The following NRG3 variants were observed in gnomAD, a reference collection of about 807,000 sequenced individuals.
NRG3 encodes the protein neuregulin 3.
In NRG3, 31 loss-of-function variants were observed where a neutral mutation model predicts 66.9. That is an observed-to-expected ratio of 0.46 (90% CI 0.35 to 0.63). The LOEUF (loss-of-function observed/expected upper bound fraction) is 0.63. Among genes scored for constraint, NRG3 ranks in the 20% least tolerant of loss-of-function variants. NRG3 has a pLI of 0.00. For synonymous variants in NRG3, 393 were observed against 359.4 expected (o/e 1.09, Z -1.06); for missense variants, 910 against 878.9 (o/e 1.04, Z -0.45).
chr10:82,654,617 CTCA>C (rs1351105176), intron 2 of NRG3, among the ~76,000 whole-genome samples: 1 of 152,152 alleles, frequency 6.6e-6, no homozygotes, highest in Non-Finnish European at 1.5e-5. Flanking sequence ...GTTCGAAAGT[CTCA>C]TCATTAGTTA....
intron 7 of NRG3, among the ~76,000 whole-genome samples, chr10:82,976,340 G>A (rs207471209): frequency 6.6e-6 from 1 of 152,182 alleles, no homozygotes; most frequent in African/African-American, 2.4e-5. Flanking sequence ...ACAGGTGTGA[G>A]CCACTGTGCC....
intron 2 of NRG3, among the ~76,000 whole-genome samples, chr10:82,563,981 G>A (rs1359230478): frequency 8.5e-5 from 13 of 152,114 alleles, no homozygotes; most frequent in Admixed American, 7.2e-4. Context: ...TTTTACAAAT[G>A]TTCAATGATA....
At chr10:82,014,070 C>T (rs955735618) in intron 1 of NRG3, among the ~76,000 whole-genome samples, 8 of 152,138 alleles carry the variant, frequency 5.3e-5, no homozygotes, top group Non-Finnish European at 1.2e-4. Flanking sequence ...GCTGGAAGGG[C>T]ATACCTACCA....
intron 4 of NRG3, among the ~76,000 whole-genome samples, chr10:82,947,885 G>A (rs904521619): frequency 6.6e-6 from 1 of 151,920 alleles, no homozygotes; most frequent in Non-Finnish European, 1.5e-5. Context: ...TTTTCATAAT[G>A]GTGTCTTTGA....
intron 2 of NRG3, among the ~76,000 whole-genome samples, chr10:82,525,462 A>T (rs929215785): frequency 1.3e-5 from 2 of 151,924 alleles, no homozygotes; most frequent in Non-Finnish European, 2.9e-5. Flanking sequence ...TATTCATTTC[A>T]AACCCATATT....
rs1176028816 is a variant in NRG3 at position 82,655,816 on chromosome 10, A to T, written c.954-82761A>T. On this transcript the variant is annotated intron_variant, in intron 2 of 8. Coordinates refer to ENST00000372141, the MANE Select transcript of NRG3 (RefSeq NM_001010848.4). ...TAGCAAGCATAATATAAATCTATAT[A>T]TACTGCTTTGGAATTAATTATATCA... 3.3e-5 allele frequency among the ~76,000 whole-genome samples: 5 copies of T among 152,218 alleles called. No homozygotes were observed. In the East Asian group the frequency reaches 9.6e-4, roughly 29 times the overall value.
At chr10:81,933,744 G>A (rs909596379) in intron 1 of NRG3, among the ~76,000 whole-genome samples, 3 of 152,152 alleles carry the variant, frequency 2.0e-5, no homozygotes, top group African/African-American at 7.2e-5. Context: ...GTTATTAAAG[G>A]TAAGCTAACT....
intron 2 of NRG3, among the ~76,000 whole-genome samples, chr10:82,725,459 G>A (rs1054005174): frequency 7.9e-5 from 12 of 152,144 alleles, no homozygotes; most frequent in Non-Finnish European, 1.5e-4. Context: ...GTGTATAGAG[G>A]AAGTATAATT....
intron 2 of NRG3, among the ~76,000 whole-genome samples, chr10:82,507,117 A>G (rs1044672308): frequency 1.3e-5 from 2 of 152,256 alleles, no homozygotes; most frequent in African/African-American, 4.8e-5. Context: ...ATGTGCTGTC[A>G]TAAAACCTTG....
At chr10:82,694,885 T>C (rs913241008) in intron 2 of NRG3, among the ~76,000 whole-genome samples, 1 of 152,204 alleles carries the variant, frequency 6.6e-6, no homozygotes, top group Non-Finnish European at 1.5e-5. Flanking sequence ...TCATTGAACA[T>C]GATTGCTCCT....
At chr10:81,995,616 C>T (rs929241207) in intron 1 of NRG3, among the ~76,000 whole-genome samples, 2 of 152,210 alleles carry the variant, frequency 1.3e-5, no homozygotes, top group Non-Finnish European at 2.9e-5. Context: ...GTTGGCTGTT[C>T]CTGGTACTGG....
At chr10:82,638,610 C>T (rs948446708) in intron 2 of NRG3, among the ~76,000 whole-genome samples, 1 of 151,994 alleles carries the variant, frequency 6.6e-6, no homozygotes, top group Non-Finnish European at 1.5e-5. Context: ...GAGATCTAAG[C>T]ATCCAAAATC....
chr10:82,283,579 A>G (rs1488673336), intron 1 of NRG3, among the ~76,000 whole-genome samples: 3 of 152,184 alleles, frequency 2.0e-5, no homozygotes, highest in African/African-American at 7.2e-5. Flanking sequence ...ATTCTATAAG[A>G]AAACATGCAC....
chr10:82,501,385 C>A (rs1219864664), intron 2 of NRG3, among the ~76,000 whole-genome samples: 1 of 152,192 alleles, frequency 6.6e-6, no homozygotes, highest in Non-Finnish European at 1.5e-5. Context: ...TCACCTCACT[C>A]CCCTGTCTGA....
intron 1 of NRG3, among the ~76,000 whole-genome samples, chr10:82,035,530 G>T (rs1379138138): frequency 6.6e-6 from 1 of 152,012 alleles, no homozygotes; most frequent in Non-Finnish European, 1.5e-5. Context: ...ATCAATTGAG[G>T]ATTTGAATTA....
At chr10:82,758,888 A>AT (rs1800471389) in intron 3 of NRG3, among the ~76,000 whole-genome samples, 1 of 139,534 alleles carries the variant, frequency 7.2e-6, no homozygotes, top group Admixed American at 7.2e-5. Flanking sequence ...AGTGAATGTT[A>AT]AAAAAAAAAA....
rs142894500 is a variant in NRG3, at chr10:82,859,925, TA to T, written c.1028-5477del. On this transcript the variant is annotated intron_variant, in intron 3 of 8. Transcript: ENST00000372141. ...AGTGTTTTCCAGGAATTTTTGGTGT[TA>T]AAAAAAAACATTCATTTTGTCTTGC... Among the ~76,000 whole-genome samples, 1,096 of 151,288 alleles carry T rather than the reference TA, an allele frequency of 7.2e-3. 12 individuals are homozygous for T. Among genetic ancestry groups the T allele is most frequent in the African/African-American group, 0.025 (1,028 of 41,238 alleles).
chr10:82,981,680 T>A (rs1852918469), intron 8 of NRG3, among the ~76,000 whole-genome samples: 1 of 152,180 alleles, frequency 6.6e-6, no homozygotes, highest in Admixed American at 6.5e-5. Flanking sequence ...AACATCGATC[T>A]TATTGTAGCC....
chr10:81,922,178 A>G (rs532675232), intron 1 of NRG3, among the ~76,000 whole-genome samples: 1 of 152,214 alleles, frequency 6.6e-6, no homozygotes, highest in Admixed American at 6.5e-5. Flanking sequence ...AAATTTTTTG[A>G]CTTAGTTATA....
Sources: allele counts gnomAD v4.1 joint callset (sites outside exome capture counted in the v4.1 genomes callset), GRCh38; gene constraint gnomAD v4.1.1; transcripts MANE v1.5; gene names NCBI Gene and HGNC (gene_info 2026-07-23, HGNC 2026-07-21).